The following COQ8B variants were observed in gnomAD, a reference collection of about 807,000 sequenced individuals.
COQ8B encodes atypical kinase COQ8B, mitochondrial.
COQ8B carries 44 observed loss-of-function variants against 62.0 expected under a neutral mutation model. That is an observed-to-expected ratio of 0.71 (90% confidence interval 0.56 to 0.91). The LOEUF is 0.91. COQ8B is among the 40% of genes least tolerant of loss of function. The pLI is 0.00. For synonymous variants in COQ8B, 252 were observed against 289.9 expected, an observed-to-expected ratio of 0.87 and a Z score of 1.33; for missense variants, 649 against 731.6, an observed-to-expected ratio of 0.89 and a Z score of 1.30.
At position 40,715,745 on chromosome 19, in the gene COQ8B, A is replaced by G. The variant is rs569093380; in HGVS notation, c.-4+842T>C. The G allele has an allele frequency of 4.4e-4, 173 of 392,830 alleles. 1 individual carries two copies. Among genetic ancestry groups the G allele is most frequent in the African/African-American group, 3.7e-3 (169 of 45,980 alleles). The allele number at this position is 392,830 out of a possible 1,614,324, so 24.3% of individuals were successfully genotyped here. On this transcript the variant is annotated intron_variant, in intron 1 of 14. Transcript: ENST00000324464. Reference sequence around the variant, plus strand: ...CGACTGGGAGCCCTCTGCTTCCTGTAGGCCTGACATTTCCCAGAACACACT... The same window carrying G: ...CGACTGGGAGCCCTCTGCTTCCTGTGGGCCTGACATTTCCCAGAACACACT...
chr19:40,704,147 C>CT (rs1568440542), intron 7 of COQ8B: 10 of 268,830 alleles, frequency 3.7e-5, no homozygotes, highest in Non-Finnish European at 6.3e-5. Flanking sequence ...TCATAACAAT[C>CT]CTTTTTTTTT....
chr19:40,715,224 G>A, intron 1 of COQ8B: 5 of 985,072 alleles, frequency 5.1e-6, no homozygotes, highest in Non-Finnish European at 6.0e-6. Flanking sequence ...AGAGGCCCTA[G>A]CGATGGAGCC....
At chr19:40,705,550 G>A (rs1246676354) in intron 5 of COQ8B, 103 bp from the exon 6 acceptor site, 10 of 1,334,232 alleles carry the variant, frequency 7.5e-6, no homozygotes, top group African/African-American at 4.4e-5. Flanking sequence ...AGACCCAGGC[G>A]GGATGAACAC....
Position 40,692,671 on chromosome 19 carries a change from C to T in COQ8B, c.1296+280G>A, listed in dbSNP as rs376008326. Among the ~76,000 whole-genome samples, 18 of 152,216 alleles carry T rather than the reference C, an allele frequency of 1.2e-4. 1 individual carries two copies. The South Asian group carries it at 3.7e-3, about 32-fold the overall frequency. On this transcript the variant is annotated intron_variant, in intron 14 of 14. Transcript: ENST00000324464. ...CCCCTCCTGAACAGATCCACGGTGCCCATGTTCCCAGGGTTCCTGAGAAGT... is the reference window on the plus strand; with the variant it reads ...CCCCTCCTGAACAGATCCACGGTGCTCATGTTCCCAGGGTTCCTGAGAAGT...
intron 12 of COQ8B, 27 bp from the exon 13 acceptor site, chr19:40,696,081 T>C (rs777757961): frequency 1.4e-5 from 23 of 1,611,878 alleles, no homozygotes; most frequent in Middle Eastern, 1.7e-4. Flanking sequence ...GTGAAAGGAA[T>C]GCTGGGATCC....
chr19:40,715,072 A>T, intron 1 of COQ8B: 1 of 986,680 alleles, frequency 1.0e-6, no homozygotes, highest in Non-Finnish European at 1.2e-6. Flanking sequence ...TCAGCCTCCG[A>T]GTCCGCAACC....
intron 5 of COQ8B, among the ~76,000 whole-genome samples, 193 bp downstream of exon 5, chr19:40,709,866 T>C (rs1035234039): frequency 6.6e-6 from 1 of 151,980 alleles, no homozygotes; most frequent in African/African-American, 2.4e-5. Context: ...AAATCTAATA[T>C]GCTTCTCTTA....
At chr19:40,708,021 C>T (rs953103772) in intron 5 of COQ8B, 9 of 152,200 alleles carry the variant, frequency 5.9e-5, no homozygotes, top group African/African-American at 1.4e-4. Context: ...ATGCAAATTA[C>T]ATTTCAGCTT....
intron 5 of COQ8B, among the ~76,000 whole-genome samples, chr19:40,709,561 A>G (rs1253765238): frequency 6.6e-6 from 1 of 152,182 alleles, no homozygotes; most frequent in Admixed American, 6.6e-5. Flanking sequence ...ATAATCTAAT[A>G]TGTGGCTGGG....
At chr19:40,711,494 G>C (rs2082141622) in intron 4 of COQ8B, among the ~76,000 whole-genome samples, 2 of 152,344 alleles carry the variant, frequency 1.3e-5, no homozygotes, top group South Asian at 4.1e-4. Context: ...AAAGTGCTGG[G>C]ATTACAGGTG....
At chr19:40,704,093 C>T (rs2082082284) in intron 7 of COQ8B, 3 of 498,872 alleles carry the variant, frequency 6.0e-6, no homozygotes, top group African/African-American at 6.0e-5. Flanking sequence ...TGAACCTGGA[C>T]TCCCTGGGCT....
intron 5 of COQ8B, among the ~76,000 whole-genome samples, chr19:40,705,932 G>GA (rs982789621): frequency 0.044 from 3,747 of 84,892 alleles, 53 homozygotes; most frequent in Non-Finnish European, 0.055. Context: ...CCTGTCTCGG[G>GA]AAAAAAAAAA....
At chr19:40,703,683 C>T (rs1225995035) in intron 8 of COQ8B, 32 bp downstream of exon 8, 1 of 1,613,920 alleles carries the variant, frequency 6.2e-7, no homozygotes, top group Non-Finnish European at 8.5e-7. Flanking sequence ...AGCAGGGTGC[C>T]CGCCCCTACC....
intron 14 of COQ8B, 53 bp downstream of exon 14, chr19:40,692,898 C>A (rs2081984904): frequency 1.3e-6 from 2 of 1,534,524 alleles, no homozygotes; most frequent in East Asian, 2.3e-5. Flanking sequence ...AGCAGCCCCC[C>A]ACTGCACCCC....
chr19:40,705,499 C>T, intron 5 of COQ8B, 52 bp from the exon 6 acceptor site: 1 of 1,494,182 alleles, frequency 6.7e-7, no homozygotes, highest in Non-Finnish European at 9.0e-7. Context: ...ATCACTGCGG[C>T]CAGGCCCGGC....
chr19:40,702,619 C>A lies in COQ8B; in HGVS notation c.874G>T (p.Ala292Ser). 1 of 1,612,908 alleles carries A rather than the reference C, an allele frequency of 6.2e-7. No homozygotes were observed. The highest frequency in any genetic ancestry group is 8.5e-7 in the Non-Finnish European group (1 of 1,179,972). The change falls in exon 10 of 15, where the codon GCT becomes TCT. Residue 292 changes from alanine (A) to serine (S), a missense_variant. Ala to Ser is a moderately conservative substitution (Grantham distance 99). Coordinates refer to ENST00000324464, the MANE Select transcript of COQ8B (RefSeq NM_024876.4). ...GCTCACCTGAAATTCTGGGCACAAG[C>A]CGCCTCACGACGGTAGTCACACTCC... ...AWECDYRREA[A>S]CAQNFRQLLA... is the part of the protein sequence containing the mutation.
chr19:40,705,082 C>A lies in COQ8B; in HGVS notation c.576+14G>T, dbSNP rs374201690. ...GCCTGCCTCCCTCACCGCCCTCCCC[C>A]ACTGGGCACTCACCAGCATCTGCCA... On this transcript the variant is annotated intron_variant, in intron 7 of 14. Coordinates refer to ENST00000324464, the MANE Select transcript of COQ8B (RefSeq NM_024876.4). 1.3e-6 allele frequency: 2 copies of A among 1,595,962 alleles called. No individual in the cohort carries two copies. Among genetic ancestry groups the A allele is most frequent in the Admixed American group, 1.7e-5 (1 of 57,316 alleles).
At chr19:40,711,572 T>C (rs1318533227) in intron 4 of COQ8B, among the ~76,000 whole-genome samples, 1 of 152,144 alleles carries the variant, frequency 6.6e-6, no homozygotes, top group Admixed American at 6.6e-5. Context: ...TTCTCCCCAT[T>C]TGTCCTATCT....
At chr19:40,716,459 C>T (rs1369815375) in intron 1 of COQ8B, 128 bp downstream of exon 1, 1 of 152,254 alleles carries the variant, frequency 6.6e-6, no homozygotes, top group Non-Finnish European at 1.5e-5. Flanking sequence ...CGGCAGATCT[C>T]TGAGCCTCTG....
Sources: allele counts gnomAD v4.1 joint callset (sites outside exome capture counted in the v4.1 genomes callset), GRCh38; gene constraint gnomAD v4.1.1; transcripts MANE v1.5; gene names NCBI Gene and HGNC (gene_info 2026-07-23, HGNC 2026-07-21).